The following LHFPL3 variants were observed in gnomAD, a reference collection of about 807,000 sequenced individuals.
LHFPL3 encodes the protein LHFPL tetraspan subfamily member 3 protein.
In LHFPL3, 5 loss-of-function variants were observed where a neutral mutation model predicts 19.3. The observed-to-expected ratio is 0.26, with a 90% confidence interval of 0.14 to 0.54. LHFPL3 has a LOEUF of 0.54. LHFPL3 is among the 20% of genes least tolerant of loss of function. LHFPL3 has a pLI of 0.94. For missense variants in LHFPL3, 249 were observed against 307.4 expected (o/e 0.81, Z 1.42); for synonymous variants, 133 against 126.2 (o/e 1.05, Z -0.36).
chr7:104,785,618 C>T (rs895549499), intron 2 of LHFPL3: 1 of 152,204 alleles, frequency 6.6e-6, no homozygotes, highest in Non-Finnish European at 1.5e-5. Context: ...TTCTCCCAAC[C>T]TGCTTTCACT....
intron 2 of LHFPL3, among the ~76,000 whole-genome samples, chr7:104,814,482 G>T (rs1790528097): frequency 6.6e-6 from 1 of 152,094 alleles, no homozygotes; most frequent in Non-Finnish European, 1.5e-5. Context: ...CATGCTGATT[G>T]GTCCCACCCA....
intron 1 of LHFPL3, among the ~76,000 whole-genome samples, chr7:104,644,149 A>G (rs1382514079): frequency 6.6e-6 from 1 of 152,228 alleles, no homozygotes; most frequent in Non-Finnish European, 1.5e-5. Flanking sequence ...TACCTCATTT[A>G]TTACCAGACA....
At chr7:104,604,550 A>T (rs1791053790) in intron 1 of LHFPL3, among the ~76,000 whole-genome samples, 1 of 152,202 alleles carries the variant, frequency 6.6e-6, no homozygotes, top group African/African-American at 2.4e-5. Flanking sequence ...CAATCTTTAC[A>T]TAGGCAGGCT....
At chr7:104,413,163 G>A (rs1200030492) in intron 1 of LHFPL3, among the ~76,000 whole-genome samples, 3 of 152,170 alleles carry the variant, frequency 2.0e-5, no homozygotes, top group African/African-American at 4.8e-5. Context: ...TTTTCACCAC[G>A]TGCAGGCTCC....
intron 1 of LHFPL3, among the ~76,000 whole-genome samples, chr7:104,582,551 G>T (rs1790479639): frequency 6.6e-6 from 1 of 152,060 alleles, no homozygotes; most frequent in South Asian, 2.1e-4. Flanking sequence ...TAATTATAGG[G>T]AGAAAGTATC....
chr7:104,856,456 G>A (rs1009207465), intron 2 of LHFPL3, among the ~76,000 whole-genome samples: 7 of 151,608 alleles, frequency 4.6e-5, no homozygotes, highest in Admixed American at 1.3e-4. Flanking sequence ...CACCATGTTG[G>A]TCAGGCTGGT....
At chr7:104,427,459 A>G (rs1231850577) in intron 1 of LHFPL3, among the ~76,000 whole-genome samples, 1 of 152,240 alleles carries the variant, frequency 6.6e-6, no homozygotes, top group Non-Finnish European at 1.5e-5. Context: ...CTACTTGTAT[A>G]AAAATGGATG....
At chr7:104,589,790 G>T (rs917067675) in intron 1 of LHFPL3, among the ~76,000 whole-genome samples, 20 of 152,050 alleles carry the variant, frequency 1.3e-4, no homozygotes, top group Admixed American at 3.3e-4. Flanking sequence ...CAATTTCAGA[G>T]CCTGTTATTG....
At chr7:104,587,454 A>AT (rs199893692) in intron 1 of LHFPL3, among the ~76,000 whole-genome samples, 3 of 152,146 alleles carry the variant, frequency 2.0e-5, no homozygotes, top group Non-Finnish European at 4.4e-5. Flanking sequence ...TGAACTCATC[A>AT]TTTTTTATGG....
chr7:104,755,043 C>T (rs936827174), intron 2 of LHFPL3, among the ~76,000 whole-genome samples: 6 of 152,092 alleles, frequency 3.9e-5, no homozygotes, highest in Admixed American at 6.6e-5. Flanking sequence ...TACAAACCAC[C>T]CCAATATTCA....
At chr7:104,891,688 C>A (rs1446558194) in intron 2 of LHFPL3, among the ~76,000 whole-genome samples, 1 of 152,180 alleles carries the variant, frequency 6.6e-6, no homozygotes, top group African/African-American at 2.4e-5. Flanking sequence ...TTCTAAGAAC[C>A]AGAAATCTGT....
chr7:104,374,345 G>T (rs1481184903), intron 1 of LHFPL3, among the ~76,000 whole-genome samples: 1 of 152,002 alleles, frequency 6.6e-6, no homozygotes, highest in Middle Eastern at 3.4e-3. Context: ...GGGTTCAAGC[G>T]ATTCTCCTGC....
In LHFPL3 at chr7:104,732,505, T is replaced by C. The variant is rs372783705; in HGVS notation, c.446-4170T>C. On this transcript the variant is annotated intron_variant, in intron 1 of 2. Coordinates refer to ENST00000424859, the MANE Select transcript of LHFPL3 (RefSeq NM_199000.3). ...CATTTCTTCTAGATTTTCTAGTTTG[T>C]TTTTGTAGAGGTGTTTATAGTATTC... Among the ~76,000 whole-genome samples the C allele has an allele frequency of 5.9e-5, 9 of 152,226 alleles. 1 individual carries two copies. The South Asian group carries it at 1.9e-3, about 32-fold the overall frequency.
intron 1 of LHFPL3, among the ~76,000 whole-genome samples, chr7:104,368,476 G>T (rs1338526574): frequency 2.6e-5 from 4 of 152,214 alleles, no homozygotes; most frequent in Admixed American, 2.0e-4. Context: ...GAATGCAGTG[G>T]ATGAGGTAGG....
chr7:104,600,285 C>T (rs1174821466), intron 1 of LHFPL3, among the ~76,000 whole-genome samples: 6 of 152,230 alleles, frequency 3.9e-5, no homozygotes, highest in Non-Finnish European at 7.3e-5. Context: ...GAGTTAATCT[C>T]TCATCTTTTC....
At chr7:104,835,357 TTTGC>T (rs1449184710) in intron 2 of LHFPL3, among the ~76,000 whole-genome samples, 1 of 151,948 alleles carries the variant, frequency 6.6e-6, no homozygotes, top group African/African-American at 2.4e-5. Flanking sequence ...AGCCCTACAC[TTTGC>T]ATCTAGGCAG....
In LHFPL3 at chr7:104,870,055, C is replaced by T. The variant is rs1453369406; in HGVS notation, c.683-36132C>T. 2.7e-5 allele frequency among the ~76,000 whole-genome samples: 4 copies of T among 150,368 alleles called. No individual in the cohort carries two copies. In the Admixed American group the frequency reaches 2.7e-4, roughly 10 times the overall value. ...GAATTGAACAATGAGAACACATGGA[C>T]ACAGGAAGGGGAACATCACACACCG... On this transcript the variant is annotated intron_variant, in intron 2 of 2. Coordinates refer to ENST00000424859, the MANE Select transcript of LHFPL3 (RefSeq NM_199000.3).
chr7:104,449,279 T>G (rs1178631935), intron 1 of LHFPL3, among the ~76,000 whole-genome samples: 31 of 152,184 alleles, frequency 2.0e-4, no homozygotes, highest in Non-Finnish European at 4.4e-4. Flanking sequence ...TTTTTTTCCC[T>G]GAAGGACAAA....
chr7:104,392,135 G>A (rs1299614390), intron 1 of LHFPL3, among the ~76,000 whole-genome samples: 1 of 152,036 alleles, frequency 6.6e-6, no homozygotes, highest in Non-Finnish European at 1.5e-5. Flanking sequence ...CTGCAAACAG[G>A]GACAATTTGA....
Sources: gnomAD v4.1 joint callset for allele counts (sites outside exome capture counted in the v4.1 genomes callset) on GRCh38, gnomAD v4.1.1 for gene constraint, MANE v1.5 for transcripts, NCBI Gene and HGNC (gene_info 2026-07-23, HGNC 2026-07-21) for gene names.